Variants in POLR1A observed in about 807,000 individuals in gnomAD.
POLR1A encodes RNA polymerase I subunit A.
In POLR1A, 84 loss-of-function variants were observed where a neutral mutation model predicts 205.3. The observed-to-expected ratio is 0.41, with a 90% CI of 0.34 to 0.49. The LOEUF (loss-of-function observed/expected upper bound fraction) is 0.49. Among genes scored for constraint, POLR1A ranks in the 20% least tolerant of loss-of-function variants. The pLI, the probability that POLR1A is intolerant of heterozygous loss-of-function variation, is 0.22. For missense variants in POLR1A, 1,645 were observed against 2,204.5 expected, an observed-to-expected ratio of 0.75 and a Z score of 5.08; for synonymous variants, 799 against 863.7, an observed-to-expected ratio of 0.93 and a Z score of 1.31.
At chr2:86,072,235 C>A (rs1673191554) in intron 12 of POLR1A, among the ~76,000 whole-genome samples, 1 of 152,202 alleles carries the variant, frequency 6.6e-6, no homozygotes, top group Non-Finnish European at 1.5e-5. Flanking sequence ...CCTTCCCCTC[C>A]CCATTGCCAA....
intron 16 of POLR1A, among the ~76,000 whole-genome samples, chr2:86,050,168 G>T (rs12471259): frequency 6.6e-6 from 1 of 152,070 alleles, no homozygotes; most frequent in African/African-American, 2.4e-5. Context: ...CACCTGCCTC[G>T]GCCTCCCAAA....
At position 86,034,100 on chromosome 2, in the gene POLR1A, T is replaced by G. The variant is rs1352794404; in HGVS notation, c.4035-313A>C. The stretch of plus-strand genomic sequence containing the variant: ...AGAAAATATGGGAATTACTACGTAT[T>G]CTGCAATCTTGTTTGCTAATGATGA... On this transcript the variant is annotated intron_variant, in intron 27 of 33. Coordinates refer to ENST00000263857, the MANE Select transcript of POLR1A (RefSeq NM_015425.6). Among the ~76,000 whole-genome samples, 3 of 152,364 alleles carry G rather than the reference T, an allele frequency of 2.0e-5. No homozygotes were observed. In the South Asian group the frequency reaches 6.2e-4, roughly 32 times the overall value.
At chr2:86,032,775 G>A (rs1558762188) in intron 28 of POLR1A, among the ~76,000 whole-genome samples, 3 of 152,218 alleles carry the variant, frequency 2.0e-5, no homozygotes, top group Non-Finnish European at 4.4e-5. Context: ...AGAATACTGA[G>A]TATCTCTTCC....
Position 86,021,926 on chromosome 2 carries a change from T to C in POLR1A, c.*5497A>G, listed in dbSNP as rs1325317540. On this transcript the variant is annotated 3_prime_UTR_variant, in exon 34 of 34. Coordinates refer to ENST00000263857, the MANE Select transcript of POLR1A (RefSeq NM_015425.6). ...TCAGGGGGCAGTGTGCACATGCACA[T>C]GAAGCCTGCTGGGTACCTCAACCCA... The C allele has an allele frequency of 6.6e-6, 1 of 152,216 alleles. No individual in the cohort carries two copies. The highest frequency in any genetic ancestry group is 1.5e-5 in the Non-Finnish European group (1 of 68,042). The allele number at this position is 152,216 out of a possible 1,614,324, so 9.4% of individuals were successfully genotyped here. A position where few individuals can be genotyped will look rare whatever the true frequency, so the allele number is the denominator to read the frequency against.
At chr2:86,033,273 C>T (rs986792952) in intron 28 of POLR1A, among the ~76,000 whole-genome samples, 4 of 152,386 alleles carry the variant, frequency 2.6e-5, no homozygotes, top group South Asian at 4.1e-4. Context: ...CCTGGTGGGC[C>T]TCAGTTCATC....
intron 9 of POLR1A, 107 bp from the exon 10 acceptor site, chr2:86,078,391 G>C (rs560430867): frequency 7.6e-6 from 6 of 787,590 alleles, no homozygotes; most frequent in Non-Finnish European, 1.2e-5. Context: ...ATGCACTCTG[G>C]AGTTTATCTC....
chr2:86,088,150 G>C (rs1673534904), intron 6 of POLR1A, among the ~76,000 whole-genome samples: 1 of 152,172 alleles, frequency 6.6e-6, no homozygotes. Flanking sequence ...GTAGCCTGCA[G>C]GAGGCGCTCA....
chr2:86,066,969 C>T (rs1384693111), intron 13 of POLR1A, among the ~76,000 whole-genome samples: 1 of 152,160 alleles, frequency 6.6e-6, no homozygotes, highest in African/African-American at 2.4e-5. Context: ...ACTCATCTCA[C>T]AGTCTTTGGG....
intron 12 of POLR1A, among the ~76,000 whole-genome samples, chr2:86,072,570 T>C (rs1673198914): frequency 6.6e-6 from 1 of 152,250 alleles, no homozygotes; most frequent in South Asian, 2.1e-4. Context: ...CCAAGGCCCT[T>C]CCTTTCTCTT....
intron 12 of POLR1A, 109 bp downstream of exon 12, chr2:86,074,921 G>C (rs1573824275): frequency 2.7e-6 from 2 of 732,266 alleles, no homozygotes; most frequent in African/African-American, 3.5e-5. Flanking sequence ...CTTCCTCCTA[G>C]GGATGGGCTC....
chr2:86,068,391 G>GA (rs201260745), intron 13 of POLR1A, among the ~76,000 whole-genome samples: 2 of 116,386 alleles, frequency 1.7e-5, no homozygotes, highest in Non-Finnish European at 3.6e-5. Flanking sequence ...ATGGGCGGGG[G>GA]GGGGGGGCGG....
At chr2:86,029,132 C>T (rs1435472804) in intron 31 of POLR1A, among the ~76,000 whole-genome samples, 1 of 152,246 alleles carries the variant, frequency 6.6e-6, no homozygotes, top group Non-Finnish European at 1.5e-5. Context: ...CAGGCATGTG[C>T]TGGGCCTTAC....
At position 86,081,647 on chromosome 2, in the gene POLR1A, TG is replaced by T. The variant is rs1673403879; in HGVS notation, c.876del (p.Phe292LeufsTer8). The T allele has an allele frequency of 6.2e-7, 1 of 1,612,044 alleles. No individual in the cohort carries two copies. The highest frequency in any genetic ancestry group is 8.5e-7 in the Non-Finnish European group (1 of 1,179,342). On this transcript the variant is annotated frameshift_variant, in exon 8 of 34. Transcript: ENST00000263857. LOFTEE classifies it high-confidence loss of function. ...AAATCTAGAAAGAACACACTGGGAT[TG>T]AATCTGGATTCCATACCATCATCAT... The part of the protein sequence containing the change: ...GMDDDGMESR[F>X]NPSVFFLDFL...
chr2:86,042,400 C>G (rs368572201), intron 23 of POLR1A, among the ~76,000 whole-genome samples: 25 of 152,314 alleles, frequency 1.6e-4, no homozygotes, highest in East Asian at 5.8e-4. Context: ...TATGATTAGG[C>G]TAGGACAAGA....
intron 1 of POLR1A, among the ~76,000 whole-genome samples, chr2:86,102,416 T>G (rs985745699): frequency 3.3e-5 from 5 of 152,258 alleles, no homozygotes; most frequent in African/African-American, 1.2e-4. Flanking sequence ...GCCATCTGTA[T>G]GTCTTCTTTG....
rs1672298207 is a variant in POLR1A at position 86,027,894 on chromosome 2, T to C, written c.5053A>G (p.Thr1685Ala). ...ETSFQFLKQA[T>A]MLGSHDELRS... The stretch of plus-strand genomic sequence containing the variant: ...CTGCCCACGCACTAACCCAGCATGG[T>C]GGCTTGCTTCAGAAACTGGAAGCTG... Residue 1685 changes from threonine to alanine, a missense_variant, in exon 33 of 34, where the codon ACC (threonine) becomes GCC (alanine). Transcript: ENST00000263857. The C allele has an allele frequency of 4.3e-6, 7 of 1,614,182 alleles. No individual in the cohort carries two copies. The highest frequency in any genetic ancestry group is 5.9e-6 in the Non-Finnish European group (7 of 1,180,018).
At chr2:86,096,202 A>T (rs1673700634) in intron 3 of POLR1A, among the ~76,000 whole-genome samples, 1 of 152,194 alleles carries the variant, frequency 6.6e-6, no homozygotes, top group Non-Finnish European at 1.5e-5. Context: ...CTACCAAAAA[A>T]ATACCTAGGA....
Position 86,040,563 on chromosome 2 carries a change from G to C in POLR1A, c.3573-4C>G. ...CAGCTGCAGCAAGGTCCTCAACCTA[G>C]AGACGGTGGTGGGGGGTCAGGGTGG... On this transcript the variant is annotated splice_region_variant and splice_polypyrimidine_tract_variant and intron_variant, in intron 24 of 33. Transcript: ENST00000263857. 6.4e-7 allele frequency: 1 copy of C among 1,554,242 alleles called. No homozygotes were observed. Among genetic ancestry groups the C allele is most frequent in the East Asian group, 2.3e-5 (1 of 43,450 alleles).
At chr2:86,097,174 G>C (rs973300260) in intron 3 of POLR1A, among the ~76,000 whole-genome samples, 7 of 120,128 alleles carry the variant, frequency 5.8e-5, no homozygotes, top group Admixed American at 4.5e-4. Context: ...ACCACAATAA[G>C]GTTTCATCTC....
Sources: gnomAD v4.1 joint callset for allele counts (sites outside exome capture counted in the v4.1 genomes callset) on GRCh38, gnomAD v4.1.1 for gene constraint, MANE v1.5 for transcripts, NCBI Gene and HGNC (gene_info 2026-07-23, HGNC 2026-07-21) for gene names.